The following LYPLAL1 variants were observed in gnomAD, a reference collection of about 807,000 sequenced individuals.
The protein encoded by LYPLAL1 is lysophospholipase-like protein 1.
LYPLAL1 carries 23 observed loss-of-function variants against 19.7 expected under a neutral mutation model. That is an observed-to-expected ratio of 1.17 (90% confidence interval 0.84 to 1.65). The LOEUF (loss-of-function observed/expected upper bound fraction) is 1.65, where lower values mean the gene tolerates loss of function less well. Ranked by LOEUF, LYPLAL1 falls within the 40% of genes most tolerant of loss-of-function variation. LYPLAL1 has a pLI of 0.00. For missense variants in LYPLAL1, 355 were observed against 279.4 expected (o/e 1.27, Z -1.93); for synonymous variants, 119 against 96.3 (o/e 1.24, Z -1.38).
chr1:219,221,836 T>C, the LYPLAL1 span, among the ~76,000 whole-genome samples: 1 of 152,180 alleles, frequency 6.6e-6, no homozygotes, highest in Non-Finnish European at 1.5e-5. Context: ...ATTCACAGTA[T>C]AGGCATGTAA....
At chr1:219,426,222 G>A in the LYPLAL1 span, among the ~76,000 whole-genome samples, 1 of 152,190 alleles carries the variant, frequency 6.6e-6, no homozygotes, top group Non-Finnish European at 1.5e-5. Flanking sequence ...CTAAGCTTCT[G>A]ACAAAACTAC....
rs551778658 is a variant in LYPLAL1, at chr1:219,195,103, T to A, written c.361+1852T>A. Among the ~76,000 whole-genome samples the A allele has an allele frequency of 3.3e-5, 5 of 152,204 alleles. 1 individual carries two copies. The South Asian group carries it at 1.0e-3, about 32-fold the overall frequency. On this transcript the variant is annotated intron_variant, in intron 3 of 4. Coordinates refer to ENST00000366928, the MANE Select transcript of LYPLAL1 (RefSeq NM_138794.5). ...CCTACACTTAATTTTTGCTACCTAA[T>A]CTGTAAAGTGGAAATAATAATATAA...
intron 2 of LYPLAL1, among the ~76,000 whole-genome samples, chr1:219,182,183 A>G (rs752650072): frequency 1.0e-3 from 154 of 152,230 alleles, no homozygotes; most frequent in Non-Finnish European, 2.0e-3. Context: ...AATGAGTCTC[A>G]AATTGAGGAG....
chr1:219,227,743 T>G, the LYPLAL1 span, among the ~76,000 whole-genome samples: 4 of 152,350 alleles, frequency 2.6e-5, no homozygotes, highest in South Asian at 2.1e-4. Context: ...TATATCACCC[T>G]TTCTCCATGA....
the LYPLAL1 span, among the ~76,000 whole-genome samples, chr1:219,226,514 C>T: frequency 6.6e-6 from 1 of 151,940 alleles, no homozygotes; most frequent in Non-Finnish European, 1.5e-5. Context: ...CTTCTCAACA[C>T]AGCACATCAA....
the LYPLAL1 span, among the ~76,000 whole-genome samples, chr1:219,311,953 G>A: frequency 6.6e-6 from 1 of 152,054 alleles, no homozygotes; most frequent in African/African-American, 2.4e-5. Context: ...AATATATATT[G>A]TGTGATCCAG....
downstream of LYPLAL1, among the ~76,000 whole-genome samples, chr1:219,216,342 T>G (rs1231394145): frequency 6.6e-6 from 1 of 152,166 alleles, no homozygotes; most frequent in Non-Finnish European, 1.5e-5. Context: ...TGTTAAGTGC[T>G]TGGTATTTTT....
the LYPLAL1 span, among the ~76,000 whole-genome samples, chr1:219,423,275 A>G: frequency 6.6e-6 from 1 of 152,250 alleles, no homozygotes; most frequent in South Asian, 2.1e-4. Context: ...CTACTGGCCG[A>G]TATCTCCACC....
the LYPLAL1 span, among the ~76,000 whole-genome samples, chr1:219,319,062 A>G: frequency 2.6e-5 from 4 of 152,146 alleles, no homozygotes. Context: ...AACAGAAACC[A>G]TGTTTCAACA....
chr1:219,248,238 C>T, the LYPLAL1 span, among the ~76,000 whole-genome samples: 14 of 152,170 alleles, frequency 9.2e-5, no homozygotes, highest in East Asian at 2.5e-3. Flanking sequence ...CTTTGTGCTG[C>T]TCTTTGAAAA....
the LYPLAL1 span, among the ~76,000 whole-genome samples, chr1:219,343,285 T>C: frequency 6.6e-6 from 1 of 152,204 alleles, no homozygotes; most frequent in African/African-American, 2.4e-5. Flanking sequence ...GAGACCTTCA[T>C]TGAACCAGAG....
chr1:219,240,780 G>A, the LYPLAL1 span, among the ~76,000 whole-genome samples: 8 of 152,156 alleles, frequency 5.3e-5, no homozygotes, highest in South Asian at 1.7e-3. Flanking sequence ...GTGGTCTTTT[G>A]TGTAAGAGAC....
At chr1:219,320,969 C>G in the LYPLAL1 span, among the ~76,000 whole-genome samples, 5 of 152,280 alleles carry the variant, frequency 3.3e-5, no homozygotes, top group Non-Finnish European at 7.4e-5. Flanking sequence ...AATGGGATGG[C>G]TGGGTCAAAT....
At chr1:219,408,396 C>T in the LYPLAL1 span, among the ~76,000 whole-genome samples, 1 of 152,024 alleles carries the variant, frequency 6.6e-6, no homozygotes, top group African/African-American at 2.4e-5. Flanking sequence ...GTGGGGTTTG[C>T]CTGGAGGAAG....
At chr1:219,373,883 A>AAAAAAAAAAAAAAAAAAAAAC in the LYPLAL1 span, among the ~76,000 whole-genome samples, 1 of 2,756 alleles carries the variant, frequency 3.6e-4, no homozygotes, top group Non-Finnish European at 2.4e-3. Context: ...AAAAAAAAAC[A>AAAAAAAAAAAAAAAAAAAAAC]AAAAAAAAAA....
chr1:219,241,490 C>A, the LYPLAL1 span, among the ~76,000 whole-genome samples: 1 of 152,108 alleles, frequency 6.6e-6, no homozygotes, highest in Admixed American at 6.6e-5. Flanking sequence ...TTTCCAGAAA[C>A]AAAGCAAGCT....
the LYPLAL1 span, among the ~76,000 whole-genome samples, chr1:219,435,838 A>G: frequency 6.6e-6 from 1 of 152,044 alleles, no homozygotes; most frequent in South Asian, 2.1e-4. Flanking sequence ...AAATGATAAT[A>G]ATAATAATAA....
At chr1:219,384,135 C>G in the LYPLAL1 span, among the ~76,000 whole-genome samples, 1 of 152,280 alleles carries the variant, frequency 6.6e-6, no homozygotes. Flanking sequence ...ATGCGAACAT[C>G]CATTTTCATC....
the LYPLAL1 span, among the ~76,000 whole-genome samples, chr1:219,334,526 GGTGTGTGTGT>G: frequency 1.4e-5 from 2 of 147,150 alleles, no homozygotes; most frequent in African/African-American, 2.5e-5. Flanking sequence ...AATGAAGAGG[GGTGTGTGTGT>G]GTGTGTGTGT....
Sources: gnomAD v4.1 joint callset for allele counts (sites outside exome capture counted in the v4.1 genomes callset) on GRCh38, gnomAD v4.1.1 for gene constraint, MANE v1.5 for transcripts, NCBI Gene and HGNC (gene_info 2026-07-23, HGNC 2026-07-21) for gene names.